Variants in CBARP observed in about 807,000 individuals in gnomAD.
CBARP encodes voltage-dependent calcium channel beta subunit-associated regulatory protein.
CBARP carries 24 observed loss-of-function variants against 36.3 expected under a neutral mutation model. The observed-to-expected ratio is 0.66, with a 90% CI of 0.48 to 0.93. CBARP has a LOEUF of 0.93. CBARP is among the 40% of genes least tolerant of loss of function. The pLI, the probability that CBARP is intolerant of heterozygous loss-of-function variation, is 0.00. For synonymous variants in CBARP, 586 were observed against 453.2 expected (o/e 1.29, Z -3.72); for missense variants, 1,146 against 980.4 (o/e 1.17, Z -2.26).
chr19:1,235,298 G>A (rs1283875546), intron 4 of CBARP, 153 bp from the exon 5 acceptor site: 4 of 1,056,488 alleles, frequency 3.8e-6, no homozygotes, highest in South Asian at 1.9e-5. Context: ...TCGTCCATCC[G>A]CTCACACACT....
Position 1,229,332 on chromosome 19 carries a change from C to T in CBARP, c.1965G>A (p.Ser655=), listed in dbSNP as rs1180296594. Residue 655 remains serine (S), a synonymous_variant, in exon 10 of 10, where the codon TCG becomes TCA. Coordinates refer to ENST00000650044, the MANE Select transcript of CBARP (RefSeq NM_001393918.1). The surrounding 1 kb of genome is among the most constrained non-coding windows in gnomAD (Gnocchi z 5.1). ...ACCCGGATGGTAGGACGCACAGGCCCGAGCCGGGGCACCCCCCGCCGCCCG... is the reference window on the plus strand; with the variant it reads ...ACCCGGATGGTAGGACGCACAGGCCTGAGCCGGGGCACCCCCCGCCGCCCG... The part of the protein sequence containing the change: ...EEPGGGGCPG[S]GLCVLPSGSV... 1.6e-6 allele frequency: 2 copies of T among 1,221,584 alleles called. No homozygotes were observed. Among genetic ancestry groups the T allele is most frequent in the Non-Finnish European group, 2.1e-6 (2 of 956,800 alleles). 75.7% of individuals were successfully genotyped at this position (1,221,584 alleles called of 1,614,324 possible). A position where few individuals can be genotyped will look rare whatever the true frequency, so the allele number is the denominator to read the frequency against.
chr19:1,235,140 CG>C lies in CBARP; in HGVS notation c.315del (p.Asp106ThrfsTer50). 1 of 1,579,536 alleles carries C rather than the reference CG, an allele frequency of 6.3e-7. No individual in the cohort carries two copies. Among genetic ancestry groups the C allele is most frequent in the Non-Finnish European group, 8.6e-7 (1 of 1,163,230 alleles). ...LDNGTHPAQD[P>X]DFRGEDPECQ... ...CACTCGGGGTCCTCTCCCCGGAAGT[CG>C]GGGTCTGCGTGGAGAGGCAGGAGAG... is the stretch of plus-strand genomic sequence containing the variant. On this transcript the variant is annotated frameshift_variant, in exon 5 of 10. Transcript: ENST00000650044. LOFTEE classifies it high-confidence loss of function.
rs141808311 is a variant in CBARP at position 1,234,636 on chromosome 19, C to T, written c.562G>A (p.Glu188Lys). The T allele has an allele frequency of 8.1e-6, 13 of 1,610,544 alleles. No individual in the cohort carries two copies. The highest frequency in any genetic ancestry group is 6.7e-5 in the South Asian group (6 of 90,182). Reference sequence around the variant, plus strand: ...TGGGGCGTGGTGGCTGAGCTGGCCTCGCCTGAGTCACACTCGTGGATGGTG... The same window carrying T: ...TGGGGCGTGGTGGCTGAGCTGGCCTTGCCTGAGTCACACTCGTGGATGGTG... ...IVTIHECDSG[E>K]ASSATTPHPA... The change falls in exon 6 of 10, where the codon GAG (glutamate) becomes AAG (lysine). Residue 188 changes from glutamate (E) to lysine (K), a missense_variant. Coordinates refer to ENST00000650044, the MANE Select transcript of CBARP (RefSeq NM_001393918.1).
At position 1,235,061 on chromosome 19, in the gene CBARP, AC is replaced by A; in HGVS notation, c.394del (p.Val132SerfsTer24). On this transcript the variant is annotated frameshift_variant, in exon 5 of 10. Coordinates refer to ENST00000650044, the MANE Select transcript of CBARP (RefSeq NM_001393918.1). LOFTEE classifies it high-confidence loss of function. Reference protein sequence around the residue: ...FLSTSSTGRRVSFNEAALFEQ... With the variant: ...FLSTSSTGRRXSFNEAALFEQ... Reference sequence around the variant, plus strand: ...AAACAGCGCCGCCTCATTGAAGGAGACCCGGCGGCCCGTGGAGCTGGTGGAC... The same window carrying A: ...AAACAGCGCCGCCTCATTGAAGGAGACCGGCGGCCCGTGGAGCTGGTGGAC... 6.2e-7 allele frequency: 1 copy of A among 1,611,042 alleles called. No individual in the cohort carries two copies.
At chr19:1,235,329 G>A (rs2080952912) in intron 4 of CBARP, 172 bp downstream of exon 4, 9 of 1,043,768 alleles carry the variant, frequency 8.6e-6, no homozygotes, top group Middle Eastern at 3.1e-4. Context: ...GCACGCGCCT[G>A]GGCCCACCTA....
Position 1,231,415 on chromosome 19 carries a change from C to T in CBARP, c.980-140G>A, listed in dbSNP as rs1375850382. 12 of 1,274,336 alleles carry T rather than the reference C, an allele frequency of 9.4e-6. No individual in the cohort carries two copies. The Admixed American group carries it at 2.9e-4, about 31-fold the overall frequency. 78.9% of individuals were successfully genotyped at this position (1,274,336 alleles called of 1,614,324 possible). The stretch of plus-strand genomic sequence containing the variant: ...CACACACAACGCCTGTGGACCCCCA[C>T]CACACACACACAACGTGTGCCCCCC... On this transcript the variant is annotated intron_variant, in intron 8 of 9. Transcript: ENST00000650044.
chr19:1,230,293 G>A (rs2080872974), intron 9 of CBARP, 151 bp from the exon 10 acceptor site: 2 of 990,834 alleles, frequency 2.0e-6, no homozygotes, highest in South Asian at 9.1e-5. Context: ...ATGAGCCAGT[G>A]TGTTTTGCAG....
At chr19:1,236,222 A>G (rs2080970786) in intron 1 of CBARP, 101 bp from the exon 2 acceptor site, 4 of 1,327,016 alleles carry the variant, frequency 3.0e-6, no homozygotes, top group East Asian at 3.1e-5. Context: ...GAGCCCACAC[A>G]GGGGGCAGTG....
Position 1,234,147 on chromosome 19 carries a change from C to A in CBARP, c.768+44G>T, listed in dbSNP as rs755828707. 1.2e-5 allele frequency: 18 copies of A among 1,449,902 alleles called. No homozygotes were observed. The South Asian group carries it at 2.4e-4, about 20-fold the overall frequency. The allele number at this position is 1,449,902 out of a possible 1,614,324, so 89.8% of individuals were successfully genotyped here. On this transcript the variant is annotated intron_variant, in intron 7 of 9. Coordinates refer to ENST00000650044, the MANE Select transcript of CBARP (RefSeq NM_001393918.1). ...ACTGGGGACAGGGAGGGGAAGGAGC[C>A]TCCCCGGCTGTGGACACCATGGGGG...
At position 1,237,803 on chromosome 19, in the gene CBARP, G is replaced by A. The variant is rs2080996061; in HGVS notation, c.-69C>T. The A allele has an allele frequency of 6.7e-6, 1 of 149,006 alleles. No homozygotes were observed. Among genetic ancestry groups the A allele is most frequent in the African/African-American group, 2.4e-5 (1 of 41,086 alleles). The allele number at this position is 149,006 out of a possible 1,614,324, so 9.2% of individuals were successfully genotyped here. Reference sequence around the variant, plus strand: ...CATGGGCGGCGGGCTGGCGGCGGGCGGCTGCGTGGCGCTCGCGGCTGGCTC... The same window carrying A: ...CATGGGCGGCGGGCTGGCGGCGGGCAGCTGCGTGGCGCTCGCGGCTGGCTC... On this transcript the variant is annotated 5_prime_UTR_variant, in exon 1 of 10. Coordinates refer to ENST00000650044, the MANE Select transcript of CBARP (RefSeq NM_001393918.1).
chr19:1,230,132 C>T lies in CBARP; in HGVS notation c.1165G>A (p.Ala389Thr), dbSNP rs754381749. 1.9e-6 allele frequency: 2 copies of T among 1,026,924 alleles called. No individual in the cohort carries two copies. The highest frequency in any genetic ancestry group is 1.2e-6 in the Non-Finnish European group (1 of 853,810). The allele number at this position is 1,026,924 out of a possible 1,614,324, so 63.6% of individuals were successfully genotyped here. Residue 389 changes from alanine (A) to threonine (T), a missense_variant, in exon 10 of 10, where the codon GCC becomes ACC. By Grantham distance (58) the Ala-to-Thr change is moderately conservative. Coordinates refer to ENST00000650044, the MANE Select transcript of CBARP (RefSeq NM_001393918.1). The stretch of plus-strand genomic sequence containing the variant: ...GGGCTCGCTCCTCCCGCTGCCTCGG[C>T]CGCCTCTAGCCTGCAAGCCAGGCCG... ...PPPALGRLEAAEAAGGASPDS... is the reference protein window; with the variant it reads ...PPPALGRLEATEAAGGASPDS...
rs1347932094 is a variant in CBARP at position 1,229,787 on chromosome 19, CA to C, written c.1509del (p.Ser503ArgfsTer325). ...GEARRLLQMD[S>X]GYASIEGRGA... ...CCGCGGCCCTCGATGCTGGCGTAGCCACTGTCCATCTGCAGCAGCCGGCGCG... is the reference window on the plus strand; with the variant it reads ...CCGCGGCCCTCGATGCTGGCGTAGCCCTGTCCATCTGCAGCAGCCGGCGCG... On this transcript the variant is annotated frameshift_variant, in exon 10 of 10. Transcript: ENST00000650044. LOFTEE classifies it low-confidence loss of function (END_TRUNC). The surrounding 1 kb of genome is among the most constrained non-coding windows in gnomAD (Gnocchi z 5.1). The C allele has an allele frequency of 5.9e-6, 6 of 1,017,380 alleles. No homozygotes were observed. The South Asian group carries it at 9.1e-5, about 15-fold the overall frequency. 63.0% of individuals were successfully genotyped at this position (1,017,380 alleles called of 1,614,324 possible). A position where few individuals can be genotyped will look rare whatever the true frequency, so the allele number is the denominator to read the frequency against.
Position 1,235,487 on chromosome 19 carries a change from G to A in CBARP, c.310+14C>T. The A allele has an allele frequency of 1.3e-6, 2 of 1,576,988 alleles. No homozygotes were observed. The highest frequency in any genetic ancestry group is 2.3e-5 in the South Asian group (2 of 85,838). On this transcript the variant is annotated intron_variant, in intron 4 of 9. Transcript: ENST00000650044. ...GGACAGGCGAGCGCACAGCCAGGCT[G>A]GCCAGCACCTCACCTTGGGCTGGGT...
chr19:1,235,299 C>T (rs750485330), intron 4 of CBARP, 154 bp from the exon 5 acceptor site: 15 of 1,049,894 alleles, frequency 1.4e-5, no homozygotes, highest in East Asian at 3.1e-5. Context: ...CGTCCATCCG[C>T]TCACACACTC....
At chr19:1,233,719 G>C in intron 7 of CBARP, 83 bp from the exon 8 acceptor site, 1 of 1,344,914 alleles carries the variant, frequency 7.4e-7, no homozygotes, top group South Asian at 1.4e-5. Flanking sequence ...AGGTCTGAGA[G>C]ACAGTCCCAA....
At position 1,235,984 on chromosome 19, in the gene CBARP, C is replaced by G. The variant is rs766107526; in HGVS notation, c.105+12G>C. The G allele has an allele frequency of 3.8e-6, 6 of 1,572,524 alleles. No homozygotes were observed. In the Admixed American group the frequency reaches 1.1e-4, roughly 28 times the overall value. The stretch of plus-strand genomic sequence containing the variant: ...CGACCTCCTGCCCCTCCCACCTGTC[C>G]CCTGCACCCACCGTGGGGCGTCCAG... On this transcript the variant is annotated intron_variant, in intron 2 of 9. Coordinates refer to ENST00000650044, the MANE Select transcript of CBARP (RefSeq NM_001393918.1).
At chr19:1,233,950 C>T (rs560525335) in intron 7 of CBARP, among the ~76,000 whole-genome samples, 2 of 152,318 alleles carry the variant, frequency 1.3e-5, no homozygotes, top group East Asian at 1.9e-4. Context: ...CGCACCCTCT[C>T]CAGAACCTAG....
At position 1,229,701 on chromosome 19, in the gene CBARP, C is replaced by T; in HGVS notation, c.1596G>A (p.Trp532Ter). The T allele has an allele frequency of 9.8e-7, 1 of 1,017,192 alleles. No homozygotes were observed. The highest frequency in any genetic ancestry group is 2.8e-5 in the South Asian group (1 of 35,736). The allele number at this position is 1,017,192 out of a possible 1,614,324, so 63.0% of individuals were successfully genotyped here. Residue 532 changes from tryptophan to a stop codon, truncating the protein, a stop_gained, in exon 10 of 10, where the codon TGG becomes TGA. Coordinates refer to ENST00000650044, the MANE Select transcript of CBARP (RefSeq NM_001393918.1). LOFTEE classifies it low-confidence loss of function (END_TRUNC). The surrounding 1 kb of genome is among the most constrained non-coding windows in gnomAD (Gnocchi z 5.1). ...TGTAGTCGCGGCGCGGGCGGCGGGG[C>T]CAGGCGCGCGGGCTGCGGGGCCGGG... The part of the protein sequence containing the change: ...APARPRSPRA[W>*]PRRPRRDYSI...
Position 1,235,900 on chromosome 19 carries a change from G to A in CBARP, c.124C>T (p.Leu42=), listed in dbSNP as rs1386192436. ...ACCACCAGCAGCACGTAGTTGTCCA[G>A]GATGGGGTCTGGCTCTGCCTGCGGG... The part of the protein sequence containing the change: ...GRPTAEPDPI[L]DNYVLLVVVM... Residue 42 remains leucine, a synonymous_variant, in exon 3 of 10, where the codon CTG becomes TTG. Coordinates refer to ENST00000650044, the MANE Select transcript of CBARP (RefSeq NM_001393918.1). The A allele has an allele frequency of 6.2e-7, 1 of 1,612,192 alleles. No individual in the cohort carries two copies. The highest frequency in any genetic ancestry group is 1.1e-5 in the South Asian group (1 of 91,068).
Sources: allele counts gnomAD v4.1 joint callset (sites outside exome capture counted in the v4.1 genomes callset), GRCh38; gene constraint gnomAD v4.1.1; non-coding constraint Gnocchi (gnomAD v3.1); transcripts MANE v1.5; gene names NCBI Gene and HGNC (gene_info 2026-07-23, HGNC 2026-07-21).